ANO2: variants seen among roughly 807,000 people sequenced by gnomAD.
ANO2 encodes the protein anoctamin-2.
Under a neutral mutation model 124.2 loss-of-function variants are expected in ANO2, and 101 were observed. The observed-to-expected ratio is 0.81, with a 90% CI of 0.69 to 0.96. The LOEUF is 0.96. ANO2 is among the 40% of genes least tolerant of loss of function. The pLI is 0.00. For synonymous variants in ANO2, 486 were observed against 482.5 expected (o/e 1.01, Z -0.09); for missense variants, 1,293 against 1,274.5 (o/e 1.01, Z -0.22).
intron 19 of ANO2, among the ~76,000 whole-genome samples, chr12:5,612,241 A>T (rs1944578121): frequency 6.6e-6 from 1 of 152,178 alleles, no homozygotes; most frequent in African/African-American, 2.4e-5. Context: ...TCCCCTCCTA[A>T]GATTATGTAT....
intron 3 of ANO2, among the ~76,000 whole-genome samples, chr12:5,911,694 G>A (rs1483048157): frequency 2.6e-5 from 4 of 152,312 alleles, no homozygotes; most frequent in African/African-American, 4.8e-5. Flanking sequence ...ACAGACTAAC[G>A]CAAGGAAGCC....
rs996576986 is a variant in ANO2, at chr12:5,772,592, T to C, written c.1056-21622A>G. 2.0e-5 allele frequency among the ~76,000 whole-genome samples: 3 copies of C among 152,226 alleles called. No individual in the cohort carries two copies. The South Asian group carries it at 6.2e-4, about 31-fold the overall frequency. ...TATACATCATTACCCAAACCAAAGATGATATACTCTGCTATTTAAAAATGT... is the reference window on the plus strand; with the variant it reads ...TATACATCATTACCCAAACCAAAGACGATATACTCTGCTATTTAAAAATGT... On this transcript the variant is annotated intron_variant, in intron 10 of 24. Coordinates refer to ENST00000682330, the MANE Select transcript of ANO2 (RefSeq NM_001364791.2).
chr12:5,729,757 C>A (rs1229242036), intron 14 of ANO2, among the ~76,000 whole-genome samples: 3 of 149,594 alleles, frequency 2.0e-5, no homozygotes, highest in Non-Finnish European at 3.0e-5. Flanking sequence ...GTAGAGACCA[C>A]CCAAATGACC....
At chr12:5,857,906 G>A (rs1008387660) in intron 3 of ANO2, among the ~76,000 whole-genome samples, 4 of 152,292 alleles carry the variant, frequency 2.6e-5, no homozygotes, top group Non-Finnish European at 5.9e-5. Context: ...ATCATGTTAA[G>A]TGAAATAGGC....
chr12:5,931,454 G>A (rs12810468), intron 1 of ANO2, among the ~76,000 whole-genome samples: 6 of 151,298 alleles, frequency 4.0e-5, no homozygotes, highest in Admixed American at 1.3e-4. Context: ...CTTCCATCAA[G>A]CCCTGGGTAA....
chr12:5,738,882 T>C (rs1334173642), intron 13 of ANO2, among the ~76,000 whole-genome samples: 2 of 152,156 alleles, frequency 1.3e-5, no homozygotes, highest in Admixed American at 6.5e-5. Context: ...AGAGGTTTAG[T>C]GTTTCTTTCT....
intron 14 of ANO2, among the ~76,000 whole-genome samples, chr12:5,672,482 AT>A (rs1170023104): frequency 6.6e-6 from 1 of 152,228 alleles, no homozygotes; most frequent in East Asian, 1.9e-4. Flanking sequence ...GGAGAATCAA[AT>A]TCACAAATGT....
chr12:5,852,658 T>G (rs1366889290), intron 4 of ANO2, among the ~76,000 whole-genome samples: 1 of 152,084 alleles, frequency 6.6e-6, no homozygotes, highest in African/African-American at 2.4e-5. Flanking sequence ...ATGGTGTTGC[T>G]GACTATAATG....
intron 3 of ANO2, among the ~76,000 whole-genome samples, chr12:5,883,466 G>A (rs1938648609): frequency 6.6e-6 from 1 of 151,332 alleles, no homozygotes; most frequent in African/African-American, 2.5e-5. Context: ...AAATCCTAGG[G>A]TGGTCTGTGC....
intron 10 of ANO2, among the ~76,000 whole-genome samples, chr12:5,771,476 G>A (rs907123837): frequency 2.0e-5 from 3 of 152,088 alleles, no homozygotes; most frequent in Non-Finnish European, 4.4e-5. Flanking sequence ...TAACCCTAAG[G>A]TTCATCTAAA....
intron 14 of ANO2, among the ~76,000 whole-genome samples, chr12:5,728,344 T>C (rs920896905): frequency 6.6e-6 from 1 of 152,192 alleles, no homozygotes; most frequent in African/African-American, 2.4e-5. Context: ...ATCAATTATA[T>C]TTCTATATAC....
rs1565761650 is a variant in ANO2 at position 5,900,710 on chromosome 12, C to T, written c.534+20330G>A. The stretch of plus-strand genomic sequence containing the variant: ...CAATCCCCTTCCCCATGGGTGGGGC[C>T]GGGACAGGAAATGGCCAAGCACACA... On this transcript the variant is annotated intron_variant, in intron 3 of 24. Transcript: ENST00000682330. This position sits in a 1 kb window ranked among gnomAD's most constrained non-coding sequence, Gnocchi z 4.2. Among the ~76,000 whole-genome samples the T allele has an allele frequency of 6.6e-6, 1 of 152,220 alleles. No individual in the cohort carries two copies. Among genetic ancestry groups the T allele is most frequent in the Admixed American group, 6.5e-5 (1 of 15,290 alleles).
chr12:5,629,717 C>T (rs192506666), intron 16 of ANO2, among the ~76,000 whole-genome samples: 171 of 152,254 alleles, frequency 1.1e-3, no homozygotes, highest in African/African-American at 3.8e-3. Context: ...ATCCTACCCC[C>T]GCAGCACTCA....
intron 3 of ANO2, among the ~76,000 whole-genome samples, chr12:5,914,171 G>A (rs1190048640): frequency 1.3e-5 from 2 of 151,236 alleles, no homozygotes; most frequent in African/African-American, 2.4e-5. Context: ...CTGCACTCCA[G>A]CCTAGGTGAC....
chr12:5,854,797 G>A, intron 3 of ANO2, among the ~76,000 whole-genome samples: 1 of 152,146 alleles, frequency 6.6e-6, no homozygotes. Context: ...TGAAAAATAA[G>A]GACAGAAAAT....
chr12:5,828,206 C>T (rs1338787311), intron 6 of ANO2, among the ~76,000 whole-genome samples: 3 of 152,140 alleles, frequency 2.0e-5, no homozygotes, highest in Admixed American at 2.0e-4. Flanking sequence ...CTGCCGCCCA[C>T]GTCGGGGAAC....
At chr12:5,760,184 A>G (rs1011214756) in intron 10 of ANO2, among the ~76,000 whole-genome samples, 16 of 152,240 alleles carry the variant, frequency 1.1e-4, no homozygotes, top group African/African-American at 3.6e-4. Context: ...ATTTCTTTTG[A>G]AAACAAAATT....
At chr12:5,794,500 T>C (rs981692160) in intron 10 of ANO2, among the ~76,000 whole-genome samples, 1 of 151,872 alleles carries the variant, frequency 6.6e-6, no homozygotes, top group Non-Finnish European at 1.5e-5. Context: ...TCCAGGCTGG[T>C]TACAAAGACA....
intron 3 of ANO2, among the ~76,000 whole-genome samples, chr12:5,868,817 C>T (rs532796628): frequency 1.3e-5 from 2 of 152,162 alleles, no homozygotes; most frequent in African/African-American, 4.8e-5. Context: ...ATCAGCCCTG[C>T]TAATTAAATC....
Sources: gnomAD v4.1 joint callset for allele counts (sites outside exome capture counted in the v4.1 genomes callset) on GRCh38, gnomAD v4.1.1 for gene constraint, Gnocchi (gnomAD v3.1) non-coding constraint, MANE v1.5 for transcripts, NCBI Gene and HGNC (gene_info 2026-07-23, HGNC 2026-07-21) for gene names.